Variants in DCC observed in about 807,000 individuals in gnomAD.
DCC encodes DCC netrin 1 receptor, also known as netrin receptor DCC.
In DCC, 58 loss-of-function variants were observed where a neutral mutation model predicts 172.5. That is an observed-to-expected ratio of 0.34 (90% confidence interval 0.27 to 0.42). The LOEUF is 0.42. Ranked by LOEUF, DCC falls within the 10% of genes least tolerant of loss-of-function variation. The pLI is 1.00. For missense variants in DCC, 1,740 were observed against 1,791.0 expected (o/e 0.97, Z 0.51); for synonymous variants, 709 against 644.5 (o/e 1.10, Z -1.52).
At chr18:52,403,168 G>T (rs186721210) in intron 1 of DCC, among the ~76,000 whole-genome samples, 2 of 151,984 alleles carry the variant, frequency 1.3e-5, no homozygotes, top group African/African-American at 4.8e-5. Context: ...AAAGTTTACC[G>T]TATGTTTTCT....
At chr18:52,883,387 TGTGTGA>T (rs749908773) in intron 2 of DCC, among the ~76,000 whole-genome samples, 5,493 of 90,094 alleles carry the variant, frequency 0.061, 135 homozygotes, top group Middle Eastern at 0.12. Flanking sequence ...TGTGTGTGTG[TGTGTGA>T]GATCTCTTTC....
At chr18:52,760,955 T>C (rs138368604) in intron 2 of DCC, among the ~76,000 whole-genome samples, 1 of 152,040 alleles carries the variant, frequency 6.6e-6, no homozygotes, top group Non-Finnish European at 1.5e-5. Context: ...CTTATCTCCC[T>C]GTAAAAAGTT....
At chr18:52,870,490 G>C (rs561939196) in intron 2 of DCC, among the ~76,000 whole-genome samples, 27 of 152,342 alleles carry the variant, frequency 1.8e-4, no homozygotes, top group African/African-American at 6.3e-4. Context: ...CACTAAGTTA[G>C]AAGGGTGAGA....
In DCC at chr18:52,906,360, G is replaced by A. The variant is rs368159395; in HGVS notation, c.697+32G>A. The A allele has an allele frequency of 3.2e-5, 51 of 1,609,548 alleles. No individual in the cohort carries two copies. The African/African-American group carries it at 6.0e-4, about 19-fold the overall frequency. On this transcript the variant is annotated intron_variant, in intron 3 of 28. Transcript: ENST00000442544. ...CAATGCTCTTTGTTGCCTTCAGAATGATATTCTCTGGAATAAGTTGAAAAA... is the reference window on the plus strand; with the variant it reads ...CAATGCTCTTTGTTGCCTTCAGAATAATATTCTCTGGAATAAGTTGAAAAA...
intron 9 of DCC, among the ~76,000 whole-genome samples, chr18:53,203,339 T>C (rs1439402684): frequency 6.6e-6 from 1 of 152,030 alleles, no homozygotes; most frequent in Admixed American, 6.6e-5. Context: ...GGCTGTTCTA[T>C]GCACTATCCT....
At chr18:53,035,160 C>G (rs1462812763) in intron 5 of DCC, among the ~76,000 whole-genome samples, 5 of 148,926 alleles carry the variant, frequency 3.4e-5, no homozygotes, top group African/African-American at 4.9e-5. Context: ...AAACATTTAT[C>G]TGTGTGTGTG....
intron 15 of DCC, among the ~76,000 whole-genome samples, chr18:53,374,153 T>G (rs1358464994): frequency 6.6e-6 from 1 of 152,024 alleles, no homozygotes; most frequent in African/African-American, 2.4e-5. Flanking sequence ...TAAATTTGAA[T>G]GAATTAAATA....
intron 2 of DCC, among the ~76,000 whole-genome samples, chr18:52,890,656 T>C (rs201818645): frequency 1.3e-5 from 2 of 152,128 alleles, no homozygotes; most frequent in South Asian, 4.1e-4. Context: ...TAATAGATAG[T>C]TCTATATCTA....
At chr18:53,275,404 T>C (rs928148380) in intron 12 of DCC, among the ~76,000 whole-genome samples, 5 of 152,210 alleles carry the variant, frequency 3.3e-5, no homozygotes, top group Admixed American at 6.5e-5. Flanking sequence ...GTCAAATATA[T>C]GATCTCCACT....
At chr18:53,345,798 G>A (rs143653789) in intron 15 of DCC, among the ~76,000 whole-genome samples, 145 of 149,068 alleles carry the variant, frequency 9.7e-4, no homozygotes, top group African/African-American at 3.5e-3. Context: ...TCAAGTTGTT[G>A]TCTCTCTGTA....
chr18:53,414,756 G>T (rs1023802475), intron 20 of DCC, among the ~76,000 whole-genome samples: 1 of 152,184 alleles, frequency 6.6e-6, no homozygotes, highest in Non-Finnish European at 1.5e-5. Context: ...GCTGAGGCAG[G>T]AGAATTGCTT....
At chr18:52,681,747 T>C (rs897686618) in intron 1 of DCC, among the ~76,000 whole-genome samples, 11 of 152,106 alleles carry the variant, frequency 7.2e-5, no homozygotes, top group Non-Finnish European at 1.6e-4. Flanking sequence ...CAAGTCTTCT[T>C]TTCAGTCTGC....
chr18:53,085,753 G>T (rs1191975328), intron 7 of DCC, among the ~76,000 whole-genome samples: 1 of 151,572 alleles, frequency 6.6e-6, no homozygotes, highest in Non-Finnish European at 1.5e-5. Context: ...CTACACTTTT[G>T]TGATGCTGGC....
At chr18:52,506,491 T>C (rs2031235479) in intron 1 of DCC, among the ~76,000 whole-genome samples, 1 of 152,124 alleles carries the variant, frequency 6.6e-6, no homozygotes, top group Non-Finnish European at 1.5e-5. Context: ...GGTTGTGTTA[T>C]GATATTGTCT....
chr18:52,432,639 T>A (rs1353307428), intron 1 of DCC, among the ~76,000 whole-genome samples: 1 of 152,194 alleles, frequency 6.6e-6, no homozygotes, highest in East Asian at 1.9e-4. Context: ...GCATAAATGG[T>A]TCTTTAATTC....
intron 1 of DCC, among the ~76,000 whole-genome samples, chr18:52,706,730 G>C (rs1050098871): frequency 4.6e-5 from 7 of 152,168 alleles, no homozygotes; most frequent in African/African-American, 1.4e-4. Context: ...GCTATGCTAT[G>C]TACTGGAAAG....
At chr18:52,756,557 A>T (rs1426847925) in intron 2 of DCC, among the ~76,000 whole-genome samples, 1 of 152,244 alleles carries the variant, frequency 6.6e-6, no homozygotes, top group Non-Finnish European at 1.5e-5. Context: ...CTACAAATTA[A>T]TTAACTATTG....
chr18:52,574,975 T>C (rs766378765), intron 1 of DCC, among the ~76,000 whole-genome samples: 1 of 152,112 alleles, frequency 6.6e-6, no homozygotes, highest in Non-Finnish European at 1.5e-5. Flanking sequence ...CTTGAGCAAG[T>C]CATTGGAACT....
At chr18:53,206,286 C>CACATATATGTATTGTAACACATATAT (rs1598905318) in intron 10 of DCC, among the ~76,000 whole-genome samples, 7 of 127,890 alleles carry the variant, frequency 5.5e-5, no homozygotes, top group Non-Finnish European at 9.5e-5. Context: ...ACATATATAC[C>CACATATATGTATTGTAACACATATAT]ACATATATGT....
Sources: gnomAD v4.1 joint callset for allele counts (sites outside exome capture counted in the v4.1 genomes callset) on GRCh38, gnomAD v4.1.1 for gene constraint, MANE v1.5 for transcripts, NCBI Gene and HGNC (gene_info 2026-07-23, HGNC 2026-07-21) for gene names.